Variants in KLHL26 observed in about 807,000 individuals in gnomAD.
The protein encoded by KLHL26 is kelch-like protein 26.
In KLHL26, 4 loss-of-function variants were observed where a neutral mutation model predicts 7.1. That is an observed-to-expected ratio of 0.56 (90% CI 0.28 to 1.28). The LOEUF is 1.28. Ranked by LOEUF, KLHL26 falls within the 50% of genes most tolerant of loss-of-function variation. The pLI, the probability that KLHL26 is intolerant of heterozygous loss-of-function variation, is 0.11. For missense variants in KLHL26, 896 were observed against 924.6 expected (o/e 0.97, Z 0.40); for synonymous variants, 465 against 414.1 (o/e 1.12, Z -1.49).
rs1050540400 is a variant in KLHL26, at chr19:18,649,930, C to T, written c.83+12793C>T. 1.3e-5 allele frequency among the ~76,000 whole-genome samples: 2 copies of T among 152,228 alleles called. No homozygotes were observed. Among genetic ancestry groups the T allele is most frequent in the Non-Finnish European group, 2.9e-5 (2 of 68,046 alleles). On this transcript the variant is annotated intron_variant, in intron 1 of 2. Transcript: ENST00000300976. This position sits in a 1 kb window ranked among gnomAD's most constrained non-coding sequence, Gnocchi z 4.0. ...CTCACTGCGCAGCGGAGTGCCTGAT[C>T]GCTCTGTGTGCACCACCACGGTGCA...
Position 18,646,134 on chromosome 19 carries a change from T to A in KLHL26, c.83+8997T>A, listed in dbSNP as rs767911289. On this transcript the variant is annotated intron_variant, in intron 1 of 2. Coordinates refer to ENST00000300976, the MANE Select transcript of KLHL26 (RefSeq NM_018316.3). The surrounding 1 kb of genome is among the most constrained non-coding windows in gnomAD (Gnocchi z 5.0). Reference sequence around the variant, plus strand: ...CTCTTGCCCCTTTCTTTTTTATTATTATTAATTTTTTTTGACGTCACTCTG... The same window carrying A: ...CTCTTGCCCCTTTCTTTTTTATTATAATTAATTTTTTTTGACGTCACTCTG... 6.6e-6 allele frequency among the ~76,000 whole-genome samples: 1 copy of A among 152,048 alleles called. No individual in the cohort carries two copies. The highest frequency in any genetic ancestry group is 1.5e-5 in the Non-Finnish European group (1 of 68,020).
chr19:18,638,071 A>G (rs752405647), intron 1 of KLHL26, among the ~76,000 whole-genome samples: 2 of 152,120 alleles, frequency 1.3e-5, no homozygotes, highest in East Asian at 3.9e-4. Flanking sequence ...CTCTTTTCCT[A>G]TTGGGCAAAG....
chr19:18,657,157 C>T (rs1457957075), intron 1 of KLHL26, among the ~76,000 whole-genome samples: 1 of 151,864 alleles, frequency 6.6e-6, no homozygotes, highest in African/African-American at 2.4e-5. Context: ...GTCTCTGGGT[C>T]TCTGTCCCTC....
At position 18,669,020 on chromosome 19, in the gene KLHL26, C is replaced by T. The variant is rs767082414; in HGVS notation, c.1623C>T (p.Ser541=). ...TGCCGGAGACGGACCAGTGGACCAG[C>T]GTGAGCCCCATGCGGGCCGGCCAGT... ...YYVPETDQWT[S]VSPMRAGQSE... Residue 541 remains serine (S), a synonymous_variant, in exon 3 of 3, where the codon AGC becomes AGT. Transcript: ENST00000300976. 7 of 1,612,756 alleles carry T rather than the reference C, an allele frequency of 4.3e-6. No individual in the cohort carries two copies. In the South Asian group the frequency reaches 7.7e-5, roughly 18 times the overall value.
intron 1 of KLHL26, among the ~76,000 whole-genome samples, chr19:18,642,643 C>T (rs1427576614): frequency 4.6e-5 from 7 of 152,036 alleles, no homozygotes; most frequent in South Asian, 2.1e-4. Flanking sequence ...GGATTACAGG[C>T]GTGAGCCACT....
chr19:18,652,245 CG>C (rs1381711729), intron 1 of KLHL26, among the ~76,000 whole-genome samples: 1 of 152,022 alleles, frequency 6.6e-6, no homozygotes, highest in East Asian at 1.9e-4. Context: ...CACTAGGACT[CG>C]GGCCAGGAGG....
At chr19:18,651,683 A>T (rs1460935291) in intron 1 of KLHL26, among the ~76,000 whole-genome samples, 2 of 152,246 alleles carry the variant, frequency 1.3e-5, no homozygotes, top group African/African-American at 4.8e-5. Flanking sequence ...TGGGGCTTCA[A>T]CACCTGTCCT....
At chr19:18,643,257 C>T (rs1600683329) in intron 1 of KLHL26, among the ~76,000 whole-genome samples, 1 of 146,362 alleles carries the variant, frequency 6.8e-6, no homozygotes, top group Admixed American at 6.8e-5. Flanking sequence ...CCAGCCTAGC[C>T]AACATGGTGA....
intron 1 of KLHL26, among the ~76,000 whole-genome samples, chr19:18,640,397 A>G (rs1475886919): frequency 6.6e-6 from 1 of 151,732 alleles, no homozygotes; most frequent in Non-Finnish European, 1.5e-5. Flanking sequence ...GTATGCCACC[A>G]CACCCAGCTA....
chr19:18,637,448 G>A (rs938343833), intron 1 of KLHL26, among the ~76,000 whole-genome samples: 1 of 152,104 alleles, frequency 6.6e-6, no homozygotes, highest in Non-Finnish European at 1.5e-5. Context: ...AACTGGGGAT[G>A]CCAAAGGGCC....
At chr19:18,647,771 G>C (rs965098832) in intron 1 of KLHL26, among the ~76,000 whole-genome samples, 1 of 152,156 alleles carries the variant, frequency 6.6e-6, no homozygotes, top group African/African-American at 2.4e-5. Flanking sequence ...AAGGGGGTGG[G>C]ATCTACTGAA....
In KLHL26 at chr19:18,662,318, A is replaced by C. The variant is rs139767434; in HGVS notation, c.84-1943A>C. Among the ~76,000 whole-genome samples, 1,029 of 152,308 alleles carry C rather than the reference A, an allele frequency of 6.8e-3. 11 individuals are homozygous for C. The highest frequency in any genetic ancestry group is 7.0e-3 in the Non-Finnish European group (475 of 68,020). On this transcript the variant is annotated intron_variant, in intron 1 of 2. Coordinates refer to ENST00000300976, the MANE Select transcript of KLHL26 (RefSeq NM_018316.3). ...GCCCATGCATACTTCTGGGAGACAA[A>C]GTGTCCACAGAAAGGCCGGCAGGGG...
intron 1 of KLHL26, among the ~76,000 whole-genome samples, chr19:18,652,997 G>C (rs2052276564): frequency 6.6e-6 from 1 of 152,168 alleles, no homozygotes. Flanking sequence ...GGTATGGCCA[G>C]CAGAGACCTT....
intron 1 of KLHL26, among the ~76,000 whole-genome samples, chr19:18,653,132 C>T (rs2052278158): frequency 1.3e-5 from 2 of 152,086 alleles, no homozygotes; most frequent in African/African-American, 2.4e-5. Flanking sequence ...CACCAAGGCT[C>T]TGCCTGAGCC....
intron 1 of KLHL26, among the ~76,000 whole-genome samples, chr19:18,642,241 T>C (rs914621692): frequency 5.3e-5 from 8 of 152,076 alleles, no homozygotes; most frequent in African/African-American, 1.9e-4. Flanking sequence ...GTCTCCTTCC[T>C]CTTCATCCTT....
chr19:18,647,595 A>AAG (rs1976827565), intron 1 of KLHL26, among the ~76,000 whole-genome samples: 1 of 150,854 alleles, frequency 6.6e-6, no homozygotes, highest in Admixed American at 6.6e-5. Flanking sequence ...GAGGAGGAGG[A>AAG]AGAGGAGGAG....
chr19:18,665,124 T>C (rs1176797310), intron 2 of KLHL26, among the ~76,000 whole-genome samples: 7 of 151,808 alleles, frequency 4.6e-5, no homozygotes, highest in African/African-American at 1.7e-4. Context: ...TAGCACAATC[T>C]TGGCTCATTG....
chr19:18,667,490 C>T, intron 2 of KLHL26, 174 bp from the exon 3 acceptor site: 1 of 1,161,330 alleles, frequency 8.6e-7, no homozygotes. Context: ...AGGCATGAGC[C>T]ACCGCGCCCG....
chr19:18,650,329 G>A lies in KLHL26; in HGVS notation c.83+13192G>A, dbSNP rs551882221. On this transcript the variant is annotated intron_variant, in intron 1 of 2. Coordinates refer to ENST00000300976, the MANE Select transcript of KLHL26 (RefSeq NM_018316.3). This position sits in a 1 kb window ranked among gnomAD's most constrained non-coding sequence, Gnocchi z 4.2. ...GAGAGCGGGACATTTTCCCGGAGCG[G>A]GGTGGAAGGAGTGTCAAGGTGACTG... is the stretch of plus-strand genomic sequence containing the variant. 4.1e-4 allele frequency among the ~76,000 whole-genome samples: 62 copies of A among 152,330 alleles called. No individual in the cohort carries two copies. Among genetic ancestry groups the A allele is most frequent in the African/African-American group, 1.5e-3 (61 of 41,570 alleles).
Sources: allele counts gnomAD v4.1 joint callset (sites outside exome capture counted in the v4.1 genomes callset), GRCh38; gene constraint gnomAD v4.1.1; non-coding constraint Gnocchi (gnomAD v3.1); transcripts MANE v1.5; gene names NCBI Gene and HGNC (gene_info 2026-07-23, HGNC 2026-07-21).